The following ZNF469 variants were observed in gnomAD, a reference collection of about 807,000 sequenced individuals.
ZNF469 encodes zinc finger protein 469.
Under a neutral mutation model 1.0 loss-of-function variants are expected in ZNF469, and 1 was observed. The ratio of observed to expected loss-of-function variants is 1.00; its 90% CI spans 0.35 to 4.73. The LOEUF (loss-of-function observed/expected upper bound fraction) is 4.73. Among genes scored for constraint, ZNF469 ranks in the 30% most tolerant of loss-of-function variants. The probability of loss-of-function intolerance (pLI) is 0.16; values close to 1 mark genes in which losing one functional copy is unlikely to be tolerated. For synonymous variants in ZNF469, 2,703 were observed against 2,363.4 expected (o/e 1.14, Z -4.17); for missense variants, 6,100 against 5,356.3 (o/e 1.14, Z -4.33).
chr16:88,323,470 T>G, the ZNF469 span, among the ~76,000 whole-genome samples: 1 of 152,206 alleles, frequency 6.6e-6, no homozygotes, highest in African/African-American at 2.4e-5. Flanking sequence ...CTGACATCAC[T>G]CAGCAGCAAA....
chr16:88,305,314 A>G, the ZNF469 span, among the ~76,000 whole-genome samples: 1 of 148,396 alleles, frequency 6.7e-6, no homozygotes, highest in Admixed American at 6.7e-5. Flanking sequence ...TCACATGCAC[A>G]CACACACAGG....
chr16:88,205,477 G>C, the ZNF469 span, among the ~76,000 whole-genome samples: 1 of 152,184 alleles, frequency 6.6e-6, no homozygotes, highest in African/African-American at 2.4e-5. This position sits in a 1 kb window ranked among gnomAD's most constrained non-coding sequence, Gnocchi z 4.2. Context: ...ACATCATTAA[G>C]AGCCTAACAT....
the ZNF469 span, among the ~76,000 whole-genome samples, chr16:88,247,454 G>T: frequency 6.6e-6 from 1 of 150,376 alleles, no homozygotes; most frequent in African/African-American, 2.5e-5. Context: ...GTGAGTGAAT[G>T]AGTGAATGAA....
At position 88,430,011 on chromosome 16, in the gene ZNF469, G is replaced by T. The variant is rs777200054; in HGVS notation, c.2541G>T (p.Ala847=). 1 of 1,550,360 alleles carries T rather than the reference G, an allele frequency of 6.5e-7. No individual in the cohort carries two copies. Among genetic ancestry groups the T allele is most frequent in the Non-Finnish European group, 8.7e-7 (1 of 1,146,972 alleles). Residue 847 remains alanine (A), a synonymous_variant, in exon 3 of 3, where the codon GCG becomes GCT. Transcript: ENST00000565624. The part of the protein sequence containing the change: ...DAKLDSLITE[A]LNGMEYQSDN... ...AGCTGGACAGCCTCATCACAGAGGC[G>T]CTCAACGGCATGGAGTACCAGTCGG...
chr16:88,412,192 T>C (rs375225628), intron 1 of ZNF469, among the ~76,000 whole-genome samples: 1 of 152,084 alleles, frequency 6.6e-6, no homozygotes, highest in African/African-American at 2.4e-5. Flanking sequence ...CCCACCCTGC[T>C]CTGCCATCCC....
In ZNF469 at chr16:88,436,264, G is replaced by T. The variant is rs1314982259; in HGVS notation, c.8794G>T (p.Ala2932Ser). The T allele has an allele frequency of 1.3e-6, 2 of 1,549,802 alleles. No individual in the cohort carries two copies. The highest frequency in any genetic ancestry group is 2.7e-5 in the African/African-American group (2 of 73,048). ...GGACCCGTGGGAGGACGAGGATCCC[G>T]CAGGTCTGCCCGAGTCCTTCCTCCT... ...HEDPWEDEDP[A>S]GLPESFLLDG... is the part of the protein sequence containing the mutation. The change falls in exon 3 of 3, where the codon GCA becomes TCA. Residue 2932 changes from alanine to serine, a missense_variant. Ala to Ser is a moderately conservative substitution (Grantham distance 99). Coordinates refer to ENST00000565624, the MANE Select transcript of ZNF469 (RefSeq NM_001367624.2).
At chr16:88,283,965 C>G in the ZNF469 span, among the ~76,000 whole-genome samples, 1 of 106,506 alleles carries the variant, frequency 9.4e-6, no homozygotes, top group African/African-American at 4.0e-5. Flanking sequence ...TGCCCAAGGT[C>G]TGTGGAGGCT....
At chr16:88,360,105 CG>C in the ZNF469 span, among the ~76,000 whole-genome samples, 1 of 152,156 alleles carries the variant, frequency 6.6e-6, no homozygotes, top group Non-Finnish European at 1.5e-5. Flanking sequence ...GCACCCACCT[CG>C]GCCTCCCAAA....
chr16:88,353,073 G>T, the ZNF469 span, among the ~76,000 whole-genome samples: 6 of 152,176 alleles, frequency 3.9e-5, no homozygotes, highest in African/African-American at 1.4e-4. Context: ...TCAGGCTCAG[G>T]GTGGTGCCAA....
the ZNF469 span, among the ~76,000 whole-genome samples, chr16:88,321,053 C>T: frequency 6.6e-6 from 1 of 152,242 alleles, no homozygotes; most frequent in Non-Finnish European, 1.5e-5. Context: ...AGGGTGGGGA[C>T]GTGAGGGCCT....
chr16:88,349,834 C>CA, the ZNF469 span, among the ~76,000 whole-genome samples: 1 of 145,200 alleles, frequency 6.9e-6, no homozygotes, highest in Non-Finnish European at 1.5e-5. Flanking sequence ...ACACGAGGCA[C>CA]CATACACACC....
chr16:88,294,443 C>G, the ZNF469 span, among the ~76,000 whole-genome samples: 2 of 152,204 alleles, frequency 1.3e-5, no homozygotes, highest in Non-Finnish European at 2.9e-5. Context: ...GTGCAAACTC[C>G]CTTGTTCAAA....
the ZNF469 span, among the ~76,000 whole-genome samples, chr16:88,229,277 G>C: frequency 1.3e-5 from 2 of 152,230 alleles, no homozygotes; most frequent in Admixed American, 1.3e-4. Flanking sequence ...ATTTGTGCTG[G>C]CTCCAGCCTC....
At chr16:88,236,442 A>G in the ZNF469 span, among the ~76,000 whole-genome samples, 31 of 152,330 alleles carry the variant, frequency 2.0e-4, no homozygotes, top group East Asian at 6.0e-3. Context: ...CCTGAATTCC[A>G]TAGGGAGGCG....
chr16:88,181,644 G>T, the ZNF469 span, among the ~76,000 whole-genome samples: 1 of 152,184 alleles, frequency 6.6e-6, no homozygotes, highest in South Asian at 2.1e-4. Flanking sequence ...ATTTGTAGGT[G>T]CTGGCAAGGC....
chr16:88,402,545 G>A (rs1904911635), intron 1 of ZNF469, among the ~76,000 whole-genome samples: 1 of 152,130 alleles, frequency 6.6e-6, no homozygotes, highest in Non-Finnish European at 1.5e-5. Context: ...TGTCCCTGCA[G>A]GGGCCTCAGT....
At chr16:88,356,291 A>T in the ZNF469 span, among the ~76,000 whole-genome samples, 1 of 152,016 alleles carries the variant, frequency 6.6e-6, no homozygotes, top group East Asian at 1.9e-4. Context: ...ATCGAATCTC[A>T]GTCCTGCCAC....
Position 88,435,646 on chromosome 16 carries a change from G to T in ZNF469, c.8176G>T (p.Gly2726Ter). Residue 2726 changes from glycine to a stop codon, truncating the protein, a stop_gained, in exon 3 of 3, where the codon GGA becomes TGA. Coordinates refer to ENST00000565624, the MANE Select transcript of ZNF469 (RefSeq NM_001367624.2). LOFTEE classifies it low-confidence loss of function (END_TRUNC). ...GGAGACTGGGGCCCAGAAGCCACCTGGAGATCGGATGCTGTGTCCAGGGAG... is the reference window on the plus strand; with the variant it reads ...GGAGACTGGGGCCCAGAAGCCACCTTGAGATCGGATGCTGTGTCCAGGGAG... ...AGETGAQKPP[G>*]DRMLCPGRMD... The T allele has an allele frequency of 6.4e-7, 1 of 1,550,534 alleles. No individual in the cohort carries two copies. The highest frequency in any genetic ancestry group is 8.7e-7 in the Non-Finnish European group (1 of 1,146,990).
chr16:88,401,896 GTGGA>G (rs368036060), intron 1 of ZNF469, among the ~76,000 whole-genome samples: 1 of 43,040 alleles, frequency 2.3e-5, no homozygotes, highest in Admixed American at 1.9e-4. Context: ...GAGTGGGTGA[GTGGA>G]TGGATGGAGG....
Sources: allele counts gnomAD v4.1 joint callset (sites outside exome capture counted in the v4.1 genomes callset), GRCh38; gene constraint gnomAD v4.1.1; non-coding constraint Gnocchi (gnomAD v3.1); transcripts MANE v1.5; gene names NCBI Gene and HGNC (gene_info 2026-07-23, HGNC 2026-07-21).